The following AGPAT5 variants were observed in gnomAD, a reference collection of about 807,000 sequenced individuals.
The protein encoded by AGPAT5 is 1-acyl-sn-glycerol-3-phosphate acyltransferase epsilon.
Under a neutral mutation model 45.6 loss-of-function variants are expected in AGPAT5, and 46 were observed. The ratio of observed to expected loss-of-function variants is 1.01; its 90% CI spans 0.80 to 1.29. The LOEUF is 1.29. Among genes scored for constraint, AGPAT5 ranks in the 50% most tolerant of loss-of-function variants. The probability of loss-of-function intolerance (pLI) is 0.00; values close to 1 mark genes in which losing one functional copy is unlikely to be tolerated. For synonymous variants in AGPAT5, 272 were observed against 167.0 expected (o/e 1.63, Z -4.85); for missense variants, 673 against 450.7 (o/e 1.49, Z -4.47).
chr8:6,731,296 T>A (rs756163581), intron 3 of AGPAT5, among the ~76,000 whole-genome samples: 5 of 152,212 alleles, frequency 3.3e-5, no homozygotes, highest in Non-Finnish European at 7.3e-5. Context: ...TATATACGTC[T>A]GATTATCCAT....
At chr8:6,740,574 G>C (rs1023122913) in intron 4 of AGPAT5, among the ~76,000 whole-genome samples, 15 of 151,108 alleles carry the variant, frequency 9.9e-5, no homozygotes, top group African/African-American at 3.6e-4. Context: ...GTTAGGTGTG[G>C]GTTCTGAAGA....
At chr8:6,737,286 T>C (rs1258412593) in intron 4 of AGPAT5, among the ~76,000 whole-genome samples, 3 of 152,232 alleles carry the variant, frequency 2.0e-5, no homozygotes, top group Non-Finnish European at 4.4e-5. Flanking sequence ...GGATACATCT[T>C]GCTCAGGTTC....
intron 4 of AGPAT5, among the ~76,000 whole-genome samples, chr8:6,740,050 G>C (rs1223955936): frequency 6.6e-6 from 1 of 151,974 alleles, no homozygotes; most frequent in Non-Finnish European, 1.5e-5. Context: ...GTTATCCTTT[G>C]TGCAGTTCCT....
At chr8:6,719,843 C>T (rs1445351041) in intron 1 of AGPAT5, among the ~76,000 whole-genome samples, 3 of 152,062 alleles carry the variant, frequency 2.0e-5, no homozygotes, top group African/African-American at 7.2e-5. Context: ...GTGAACCTGA[C>T]GAAAATGGAA....
Position 6,758,244 on chromosome 8 carries a change from G to C in AGPAT5, c.*856G>C, listed in dbSNP as rs904504440. ...TATCAAAAGAGTCGGTGTGAACCTTGGTTGGACCCCAAGTTCACAAGATTT... is the reference window on the plus strand; with the variant it reads ...TATCAAAAGAGTCGGTGTGAACCTTCGTTGGACCCCAAGTTCACAAGATTT... On this transcript the variant is annotated 3_prime_UTR_variant, in exon 8 of 8. Transcript: ENST00000285518. 6.6e-6 allele frequency: 1 copy of C among 152,602 alleles called. No homozygotes were observed. The highest frequency in any genetic ancestry group is 1.5e-5 in the Non-Finnish European group (1 of 68,018). 9.5% of individuals were successfully genotyped at this position (152,602 alleles called of 1,614,324 possible). A position where few individuals can be genotyped will look rare whatever the true frequency, so the allele number is the denominator to read the frequency against.
At chr8:6,737,121 C>A (rs1466083632) in intron 4 of AGPAT5, among the ~76,000 whole-genome samples, 1 of 152,150 alleles carries the variant, frequency 6.6e-6, no homozygotes, top group African/African-American at 2.4e-5. Flanking sequence ...GGGCAAAATT[C>A]CAGCCTTTTA....
At chr8:6,719,583 C>T (rs1800436623) in intron 1 of AGPAT5, among the ~76,000 whole-genome samples, 1 of 152,190 alleles carries the variant, frequency 6.6e-6, no homozygotes, top group African/African-American at 2.4e-5. Flanking sequence ...GCAAATCAGA[C>T]ATCACCATTA....
intron 5 of AGPAT5, among the ~76,000 whole-genome samples, chr8:6,743,998 C>T (rs967602924): frequency 6.6e-6 from 1 of 152,016 alleles, no homozygotes; most frequent in Admixed American, 6.5e-5. Context: ...AGCTACAAAG[C>T]AATTTTTTTC....
At chr8:6,735,836 T>A (rs534616633) in intron 4 of AGPAT5, among the ~76,000 whole-genome samples, 6 of 151,070 alleles carry the variant, frequency 4.0e-5, no homozygotes, top group African/African-American at 1.2e-4. Context: ...TTCCTGTTTA[T>A]TCTTTATATA....
At chr8:6,713,303 C>G (rs1800216231) in intron 1 of AGPAT5, among the ~76,000 whole-genome samples, 1 of 152,132 alleles carries the variant, frequency 6.6e-6, no homozygotes, top group Non-Finnish European at 1.5e-5. Context: ...ATTTATCTTG[C>G]TTAAATCAGT....
At chr8:6,744,795 C>G (rs1801375848) in intron 5 of AGPAT5, among the ~76,000 whole-genome samples, 1 of 152,206 alleles carries the variant, frequency 6.6e-6, no homozygotes, top group South Asian at 2.1e-4. Flanking sequence ...CAGCTCTTGT[C>G]TGCCCCAGCC....
intron 5 of AGPAT5, 89 bp from the exon 6 acceptor site, chr8:6,747,581 G>T (rs570079891): frequency 1.1e-4 from 138 of 1,232,270 alleles, no homozygotes; most frequent in Non-Finnish European, 1.5e-4. Flanking sequence ...GTGTGTGTTT[G>T]AGGGAATTTA....
chr8:6,738,649 C>G (rs1245295583), intron 4 of AGPAT5: 1 of 152,166 alleles, frequency 6.6e-6, no homozygotes, highest in East Asian at 1.9e-4. Flanking sequence ...CCGTGAAGCT[C>G]AGTAAAGCGA....
At chr8:6,709,668 T>C (rs1160084052) in intron 1 of AGPAT5, 3 of 152,178 alleles carry the variant, frequency 2.0e-5, no homozygotes, top group Admixed American at 2.0e-4. Flanking sequence ...CTTTTCTTGG[T>C]AGGGTTAGGG....
At chr8:6,733,700 T>C (rs888992976) in intron 4 of AGPAT5, among the ~76,000 whole-genome samples, 1 of 152,206 alleles carries the variant, frequency 6.6e-6, no homozygotes, top group Non-Finnish European at 1.5e-5. Flanking sequence ...TAATATGGTT[T>C]ATCGACTTTT....
At chr8:6,714,339 G>A (rs1399640346) in intron 1 of AGPAT5, among the ~76,000 whole-genome samples, 1 of 152,110 alleles carries the variant, frequency 6.6e-6, no homozygotes, top group African/African-American at 2.4e-5. Flanking sequence ...TTTTACTATA[G>A]GAAATTAAAC....
intron 5 of AGPAT5, among the ~76,000 whole-genome samples, chr8:6,742,491 A>T (rs1247824453): frequency 1.3e-5 from 2 of 152,142 alleles, no homozygotes; most frequent in East Asian, 3.9e-4. Flanking sequence ...CCATATGTTG[A>T]TAGTCACTCA....
rs978380598 is a variant in AGPAT5, at chr8:6,759,624, G to A, written c.*2236G>A. ...TGTTTTTCAGAAAAGGGTGTGTTTG[G>A]ATGAAAGTAAAAAAAAAAATAAAAT... On this transcript the variant is annotated 3_prime_UTR_variant, in exon 8 of 8. Coordinates refer to ENST00000285518, the MANE Select transcript of AGPAT5 (RefSeq NM_018361.5). 5 of 151,768 alleles carry A rather than the reference G, an allele frequency of 3.3e-5. No individual in the cohort carries two copies. The highest frequency in any genetic ancestry group is 1.2e-4 in the African/African-American group (5 of 41,304). 9.4% of individuals were successfully genotyped at this position (151,768 alleles called of 1,614,324 possible).
intron 2 of AGPAT5, among the ~76,000 whole-genome samples, chr8:6,725,754 T>C (rs1800663710): frequency 6.6e-6 from 1 of 152,188 alleles, no homozygotes; most frequent in Admixed American, 6.5e-5. Flanking sequence ...CTTTAAAAAA[T>C]ATAATACCTA....
Sources: gnomAD v4.1 joint callset for allele counts (sites outside exome capture counted in the v4.1 genomes callset) on GRCh38, gnomAD v4.1.1 for gene constraint, MANE v1.5 for transcripts, NCBI Gene and HGNC (gene_info 2026-07-23, HGNC 2026-07-21) for gene names.